The following SETBP1 variants were observed in gnomAD, a reference collection of about 807,000 sequenced individuals.
The protein encoded by SETBP1 is SET-binding protein.
In SETBP1, 9 loss-of-function variants were observed where a neutral mutation model predicts 101.0. The observed-to-expected ratio is 0.09, with a 90% CI of 0.05 to 0.16. The LOEUF (loss-of-function observed/expected upper bound fraction) is 0.16. Ranked by LOEUF, SETBP1 falls within the 10% of genes least tolerant of loss-of-function variation. The pLI is 1.00. For missense variants in SETBP1, 1,858 were observed against 2,033.8 expected (o/e 0.91, Z 1.66); for synonymous variants, 818 against 788.5 (o/e 1.04, Z -0.63).
At chr18:44,847,418 C>T (rs2072746424) in intron 2 of SETBP1, among the ~76,000 whole-genome samples, 1 of 152,210 alleles carries the variant, frequency 6.6e-6, no homozygotes, top group Non-Finnish European at 1.5e-5. Context: ...AGGGTCAGCT[C>T]TTGGTCAGTA....
intron 2 of SETBP1, chr18:44,733,370 C>A: frequency 6.6e-6 from 1 of 152,176 alleles, no homozygotes. Flanking sequence ...CTTTGAGAGA[C>A]GACCTGTCGG....
intron 4 of SETBP1, among the ~76,000 whole-genome samples, chr18:44,999,194 G>T (rs1198419034): frequency 6.6e-6 from 1 of 152,046 alleles, no homozygotes; most frequent in Non-Finnish European, 1.5e-5. Flanking sequence ...AACCTTAGGG[G>T]TAATAGTCTG....
chr18:45,056,632 C>G (rs542028520), intron 5 of SETBP1, among the ~76,000 whole-genome samples: 192 of 152,306 alleles, frequency 1.3e-3, no homozygotes, highest in South Asian at 7.9e-3. Context: ...AGGAGGTGAA[C>G]AGTGTGGGCA....
At chr18:44,702,553 G>A (rs955500662) in intron 2 of SETBP1, among the ~76,000 whole-genome samples, 18 of 152,214 alleles carry the variant, frequency 1.2e-4, no homozygotes, top group Admixed American at 2.0e-4. Context: ...GGTCAGCTAA[G>A]CCATAACAAA....
At chr18:44,880,231 T>C (rs980199421) in intron 3 of SETBP1, among the ~76,000 whole-genome samples, 11 of 152,106 alleles carry the variant, frequency 7.2e-5, no homozygotes, top group Middle Eastern at 3.2e-3. Context: ...AAGAAGCACA[T>C]GGGTTTTGGA....
At chr18:44,972,612 C>G (rs1208196299) in intron 4 of SETBP1, among the ~76,000 whole-genome samples, 1 of 152,038 alleles carries the variant, frequency 6.6e-6, no homozygotes, top group Non-Finnish European at 1.5e-5. Context: ...AGTTGGATTC[C>G]TAGGTATTTT....
chr18:45,044,102 A>G (rs1171670888), intron 5 of SETBP1, among the ~76,000 whole-genome samples: 1 of 152,246 alleles, frequency 6.6e-6, no homozygotes, highest in African/African-American at 2.4e-5. Flanking sequence ...AGGTCAAGTC[A>G]GCCAAAATCT....
chr18:44,919,431 C>A (rs2144924430), intron 3 of SETBP1, among the ~76,000 whole-genome samples: 1 of 151,054 alleles, frequency 6.6e-6, no homozygotes, highest in African/African-American at 2.4e-5. Context: ...CTGACTGCAA[C>A]CTCCACTTCC....
intron 2 of SETBP1, among the ~76,000 whole-genome samples, chr18:44,771,967 A>G (rs2070884569): frequency 6.6e-6 from 1 of 151,872 alleles, no homozygotes; most frequent in South Asian, 2.1e-4. Flanking sequence ...AGTTAATAAA[A>G]CCTCTTGATA....
Position 45,063,988 on chromosome 18 carries a change from G to T in SETBP1, c.*290G>T. On this transcript the variant is annotated 3_prime_UTR_variant, in exon 6 of 6. Coordinates refer to ENST00000649279, the MANE Select transcript of SETBP1 (RefSeq NM_015559.3). ...CAGGCGAGCGGAAGGCCCCCAGGAG[G>T]AGCAGGCTGGTGGCACTCTCCTGAC... is the stretch of plus-strand genomic sequence containing the variant. 1 of 332,352 alleles carries T rather than the reference G, an allele frequency of 3.0e-6. No homozygotes were observed. Among genetic ancestry groups the T allele is most frequent in the Non-Finnish European group, 5.6e-6 (1 of 178,006 alleles). 20.6% of individuals were successfully genotyped at this position (332,352 alleles called of 1,614,324 possible).
intron 2 of SETBP1, among the ~76,000 whole-genome samples, chr18:44,854,796 CA>C (rs953890928): frequency 6.6e-6 from 1 of 152,198 alleles, no homozygotes; most frequent in African/African-American, 2.4e-5. Flanking sequence ...TATTACCCCC[CA>C]TATCTCTCAG....
At chr18:44,772,243 T>G (rs1245522881) in intron 2 of SETBP1, among the ~76,000 whole-genome samples, 1 of 152,114 alleles carries the variant, frequency 6.6e-6, no homozygotes, top group Admixed American at 6.5e-5. Flanking sequence ...TGCTCAAGGG[T>G]CATCGTGTGA....
At chr18:44,903,982 C>T (rs890688637) in intron 3 of SETBP1, among the ~76,000 whole-genome samples, 9 of 152,070 alleles carry the variant, frequency 5.9e-5, no homozygotes, top group Admixed American at 1.3e-4. Context: ...GTCTTTTAGG[C>T]CAGGAGCTAC....
At chr18:45,028,661 C>T (rs2073223427) in intron 4 of SETBP1, among the ~76,000 whole-genome samples, 1 of 152,332 alleles carries the variant, frequency 6.6e-6, no homozygotes, top group African/African-American at 2.4e-5. Context: ...TCCACATCCT[C>T]TCCAGCACCT....
At chr18:44,929,398 G>A (rs1052916445) in intron 3 of SETBP1, among the ~76,000 whole-genome samples, 5 of 152,102 alleles carry the variant, frequency 3.3e-5, no homozygotes, top group East Asian at 3.9e-4. Context: ...TTTTGGCTTC[G>A]GATTGTCTTG....
chr18:45,042,405 C>G (rs1173389252), intron 5 of SETBP1, among the ~76,000 whole-genome samples: 1 of 152,142 alleles, frequency 6.6e-6, no homozygotes, highest in African/African-American at 2.4e-5. Context: ...CCACTTCGGC[C>G]TCCCAAAGTG....
At chr18:44,735,406 A>C (rs1375320078) in intron 2 of SETBP1, among the ~76,000 whole-genome samples, 3 of 152,216 alleles carry the variant, frequency 2.0e-5, no homozygotes, top group Non-Finnish European at 4.4e-5. Flanking sequence ...TCTGAACCAG[A>C]TGATCTATTA....
intron 2 of SETBP1, among the ~76,000 whole-genome samples, chr18:44,715,779 C>T (rs1298341880): frequency 2.0e-5 from 3 of 152,148 alleles, no homozygotes; most frequent in African/African-American, 7.2e-5. Context: ...CTTCAATATC[C>T]TTTTATTCCC....
At chr18:45,025,237 A>G (rs2073141717) in intron 4 of SETBP1, among the ~76,000 whole-genome samples, 1 of 152,188 alleles carries the variant, frequency 6.6e-6, no homozygotes, top group Non-Finnish European at 1.5e-5. Context: ...GCACCTCTGT[A>G]ATCTGATGGT....
Sources: gnomAD v4.1 joint callset for allele counts (sites outside exome capture counted in the v4.1 genomes callset) on GRCh38, gnomAD v4.1.1 for gene constraint, MANE v1.5 for transcripts, NCBI Gene and HGNC (gene_info 2026-07-23, HGNC 2026-07-21) for gene names.